Variants in ZFAND4 observed in about 807,000 individuals in gnomAD.
ZFAND4 encodes the protein AN1-type zinc finger protein 4.
In ZFAND4, 43 loss-of-function variants were observed where a neutral mutation model predicts 64.4. The observed-to-expected ratio is 0.67, with a 90% CI of 0.52 to 0.86. The LOEUF (loss-of-function observed/expected upper bound fraction) is 0.86. Ranked by LOEUF, ZFAND4 falls within the 40% of genes least tolerant of loss-of-function variation. The probability of loss-of-function intolerance (pLI) is 0.00; values close to 1 mark genes in which losing one functional copy is unlikely to be tolerated. For synonymous variants in ZFAND4, 296 were observed against 305.7 expected, an observed-to-expected ratio of 0.97 and a Z score of 0.33; for missense variants, 929 against 859.8, an observed-to-expected ratio of 1.08 and a Z score of -1.01.
In ZFAND4 at chr10:45,653,462, T is replaced by G. The variant is rs149400808; in HGVS notation, c.185-403A>C. On this transcript the variant is annotated intron_variant, in intron 2 of 9. Coordinates refer to ENST00000344646, the MANE Select transcript of ZFAND4 (RefSeq NM_174890.4). ...TAATATCTACGATCTGTAAAGAACTTAATTCAACAAACAAAGAACAACCCC... is the reference window on the plus strand; with the variant it reads ...TAATATCTACGATCTGTAAAGAACTGAATTCAACAAACAAAGAACAACCCC... Among the ~76,000 whole-genome samples the G allele has an allele frequency of 1.3e-4, 20 of 152,210 alleles. No homozygotes were observed. In the East Asian group the frequency reaches 3.9e-3, roughly 29 times the overall value.
intron 1 of ZFAND4, among the ~76,000 whole-genome samples, chr10:45,671,207 T>C (rs1000533692): frequency 1.6e-4 from 24 of 152,140 alleles, no homozygotes; most frequent in African/African-American, 5.1e-4. Flanking sequence ...TGTGTAGAAA[T>C]AGGAACACTT....
intron 4 of ZFAND4, chr10:45,648,846 G>A (rs74940001): frequency 0.041 from 29,637 of 728,318 alleles, 876 homozygotes; most frequent in African/African-American, 0.12. Flanking sequence ...TAGAGTCTGT[G>A]TATTTGCTGA....
intron 2 of ZFAND4, among the ~76,000 whole-genome samples, chr10:45,657,831 TAA>T (rs1171545349): frequency 1.3e-5 from 2 of 152,074 alleles, no homozygotes; most frequent in South Asian, 2.1e-4. Context: ...AAACCAGACT[TAA>T]GAGACTATAA....
chr10:45,671,360 A>T (rs1170092257), intron 1 of ZFAND4, among the ~76,000 whole-genome samples: 1 of 152,232 alleles, frequency 6.6e-6, no homozygotes, highest in African/African-American at 2.4e-5. Flanking sequence ...AAATCATGCC[A>T]CTATAAAGAC....
chr10:45,646,559 T>A (rs569893394), intron 5 of ZFAND4, among the ~76,000 whole-genome samples: 1 of 152,234 alleles, frequency 6.6e-6, no homozygotes, highest in African/African-American at 2.4e-5. Flanking sequence ...GGCTGAGTCA[T>A]AAACACAAAT....
Position 45,626,383 on chromosome 10 carries a change from TG to T in ZFAND4, c.1439del (p.Pro480GlnfsTer9). On this transcript the variant is annotated frameshift_variant, in exon 7 of 10. Coordinates refer to ENST00000344646, the MANE Select transcript of ZFAND4 (RefSeq NM_174890.4). LOFTEE classifies it high-confidence loss of function. ...RLLSPLRCSA[P>X]MSLHNSLVKP... ...TCACCAGAGAATTATGTAGCGACAT[TG>T]GTGCAGAACAGCGAAGAGGTGACAA... 6.2e-7 allele frequency: 1 copy of T among 1,614,150 alleles called. No individual in the cohort carries two copies. Among genetic ancestry groups the T allele is most frequent in the Non-Finnish European group, 8.5e-7 (1 of 1,180,026 alleles).
chr10:45,649,806 G>C (rs1053494950), intron 4 of ZFAND4: 6 of 152,028 alleles, frequency 3.9e-5, no homozygotes, highest in African/African-American at 1.4e-4. Flanking sequence ...AGACCTTTAG[G>C]GGGGAAAAAA....
chr10:45,657,253 T>G (rs1159976117), intron 2 of ZFAND4, among the ~76,000 whole-genome samples: 2 of 152,144 alleles, frequency 1.3e-5, no homozygotes, highest in Non-Finnish European at 2.9e-5. Context: ...TGGACTTGAG[T>G]GATCCACCTG....
intron 6 of ZFAND4, 62 bp from the exon 7 acceptor site, chr10:45,627,167 T>C: frequency 7.3e-7 from 1 of 1,377,316 alleles, no homozygotes; most frequent in Non-Finnish European, 9.7e-7. Context: ...TAACAAAAAT[T>C]AGCGAAGGAA....
At chr10:45,653,187 C>T (rs1238982626) in intron 2 of ZFAND4, 128 bp from the exon 3 acceptor site, 1 of 667,588 alleles carries the variant, frequency 1.5e-6, no homozygotes, top group African/African-American at 1.8e-5. Context: ...AAATTGAATG[C>T]TAGGTGCTAA....
At chr10:45,621,533 G>A (rs1377692593) in intron 8 of ZFAND4, among the ~76,000 whole-genome samples, 1 of 151,830 alleles carries the variant, frequency 6.6e-6, no homozygotes, top group African/African-American at 2.4e-5. Context: ...CCGACGTCAG[G>A]AGATCGAGAC....
chr10:45,662,464 A>T, intron 2 of ZFAND4: 1 of 357,580 alleles, frequency 2.8e-6, no homozygotes, highest in Non-Finnish European at 3.9e-6. Context: ...AAGTACAGAG[A>T]TTATTTACAA....
In ZFAND4 at chr10:45,667,340, G is replaced by A. The variant is rs563614322; in HGVS notation, c.-117-3498C>T. 9.3e-4 allele frequency among the ~76,000 whole-genome samples: 141 copies of A among 151,114 alleles called. 1 individual carries two copies. Among genetic ancestry groups the A allele is most frequent in the African/African-American group, 3.3e-3 (134 of 41,122 alleles). ...GCAACTGTGCTGAACTGTTTATTTC[G>A]TTCATTTAGTTATTTAAATCTTCCT... On this transcript the variant is annotated intron_variant, in intron 1 of 9. Coordinates refer to ENST00000344646, the MANE Select transcript of ZFAND4 (RefSeq NM_174890.4).
Position 45,647,123 on chromosome 10 carries a change from T to C in ZFAND4, c.569+1171A>G, listed in dbSNP as rs114934348. ...CATCTAGCTTCTAGCCAACTGAATA[T>C]GGCAAAGGACGTTGCAGATGTAATT... is the stretch of plus-strand genomic sequence containing the variant. On this transcript the variant is annotated intron_variant, in intron 5 of 9. Transcript: ENST00000344646. 4.6e-3 allele frequency among the ~76,000 whole-genome samples: 695 copies of C among 152,306 alleles called. 5 individuals carry two copies. The highest frequency in any genetic ancestry group is 0.016 in the African/African-American group (657 of 41,562).
chr10:45,656,694 A>C (rs2048144732), intron 2 of ZFAND4, among the ~76,000 whole-genome samples: 1 of 152,102 alleles, frequency 6.6e-6, no homozygotes, highest in South Asian at 2.1e-4. Context: ...TCCCCCACCC[A>C]AATTCATATG....
chr10:45,643,435 C>A (rs2133731227), intron 5 of ZFAND4, among the ~76,000 whole-genome samples: 1 of 151,360 alleles, frequency 6.6e-6, no homozygotes, highest in South Asian at 2.1e-4. Context: ...CTTTGGGAGG[C>A]CGAGGTGGGC....
intron 5 of ZFAND4, among the ~76,000 whole-genome samples, chr10:45,642,737 CATGAG>C (rs1220453999): frequency 2.0e-5 from 3 of 150,190 alleles, no homozygotes; most frequent in African/African-American, 4.9e-5. Flanking sequence ...AGTATAGATT[CATGAG>C]ATGAGTTAGA....
At chr10:45,628,301 C>T (rs753236409) in intron 6 of ZFAND4, among the ~76,000 whole-genome samples, 1 of 152,092 alleles carries the variant, frequency 6.6e-6, no homozygotes, top group African/African-American at 2.4e-5. Flanking sequence ...AAGGAAGAAA[C>T]CTTGGAAAGA....
chr10:45,653,422 C>T (rs2047892890), intron 2 of ZFAND4, among the ~76,000 whole-genome samples: 1 of 152,136 alleles, frequency 6.6e-6, no homozygotes, highest in Non-Finnish European at 1.5e-5. Flanking sequence ...ACAAACTATG[C>T]ATCTGACAAA....
Sources: allele counts gnomAD v4.1 joint callset (sites outside exome capture counted in the v4.1 genomes callset), GRCh38; gene constraint gnomAD v4.1.1; transcripts MANE v1.5; gene names NCBI Gene and HGNC (gene_info 2026-07-23, HGNC 2026-07-21).